Variants in WAPL observed in about 807,000 individuals in gnomAD.
WAPL encodes WAPL cohesin release factor, also known as wings apart-like protein homolog.
Under a neutral mutation model 121.0 loss-of-function variants are expected in WAPL, and 5 were observed. The observed-to-expected ratio is 0.04, with a 90% confidence interval of 0.02 to 0.09. The LOEUF is 0.09. WAPL is among the 10% of genes least tolerant of loss of function. The pLI is 1.00. For synonymous variants in WAPL, 480 were observed against 481.5 expected, an observed-to-expected ratio of 1.00 and a Z score of 0.04; for missense variants, 999 against 1,410.8, an observed-to-expected ratio of 0.71 and a Z score of 4.68.
At chr10:86,468,074 A>G (rs2132188825) in intron 8 of WAPL, among the ~76,000 whole-genome samples, 1 of 152,300 alleles carries the variant, frequency 6.6e-6, no homozygotes, top group South Asian at 2.1e-4. Flanking sequence ...TGAATGCCTG[A>G]TAGCTCTAAG....
At chr10:86,507,621 G>A (rs939851864) in intron 2 of WAPL, among the ~76,000 whole-genome samples, 3 of 151,520 alleles carry the variant, frequency 2.0e-5, no homozygotes, top group African/African-American at 4.9e-5. Flanking sequence ...ACAATCTTCC[G>A]CATTCCATCT....
At chr10:86,441,361 G>T (rs531403406) in intron 17 of WAPL, among the ~76,000 whole-genome samples, 1 of 152,072 alleles carries the variant, frequency 6.6e-6, no homozygotes, top group Non-Finnish European at 1.5e-5. Context: ...CTAGACATTT[G>T]TATTTCTCCT....
In WAPL at chr10:86,448,393, G is replaced by A. The variant is rs934425016; in HGVS notation, c.3115-1944C>T. ...CTGAGCCTGGGAGGTAAAGGCTGTAGTGAGCTGTGACTGGACCACTGTACT... is the reference window on the plus strand; with the variant it reads ...CTGAGCCTGGGAGGTAAAGGCTGTAATGAGCTGTGACTGGACCACTGTACT... On this transcript the variant is annotated intron_variant, in intron 15 of 18. Coordinates refer to ENST00000298767, the MANE Select transcript of WAPL (RefSeq NM_015045.5). Among the ~76,000 whole-genome samples, 17 of 152,192 alleles carry A rather than the reference G, an allele frequency of 1.1e-4. No individual in the cohort carries two copies. In the East Asian group the frequency reaches 3.1e-3, roughly 28 times the overall value.
chr10:86,454,207 A>G (rs1023107885), intron 12 of WAPL, among the ~76,000 whole-genome samples: 1 of 152,224 alleles, frequency 6.6e-6, no homozygotes, highest in Non-Finnish European at 1.5e-5. Context: ...CAAGTATTAA[A>G]TATTTCATAC....
chr10:86,470,068 T>C (rs1271427687), intron 8 of WAPL, among the ~76,000 whole-genome samples: 1 of 151,830 alleles, frequency 6.6e-6, no homozygotes, highest in Non-Finnish European at 1.5e-5. Context: ...AGTCTCGCTC[T>C]GTCTCCCAGG....
chr10:86,449,744 T>C (rs1389663322), intron 15 of WAPL, among the ~76,000 whole-genome samples: 2 of 152,100 alleles, frequency 1.3e-5, no homozygotes, highest in Admixed American at 1.3e-4. Context: ...CTAGGTTCCA[T>C]TTGAAGAAAA....
At chr10:86,515,219 C>T (rs1241229329) in intron 2 of WAPL, among the ~76,000 whole-genome samples, 1 of 151,390 alleles carries the variant, frequency 6.6e-6, no homozygotes, top group East Asian at 2.0e-4. Context: ...CAAGATAGCG[C>T]CATCGCACTC....
Position 86,477,119 on chromosome 10 carries a change from T to C in WAPL, c.1645-3146A>G, listed in dbSNP as rs185750499. On this transcript the variant is annotated intron_variant, in intron 4 of 18. Coordinates refer to ENST00000298767, the MANE Select transcript of WAPL (RefSeq NM_015045.5). The stretch of plus-strand genomic sequence containing the variant: ...AGGGTTTATTATGGGAGGAGAGATA[T>C]TGAAGACACATCTAATTAAAAATTA... 4.5e-3 allele frequency among the ~76,000 whole-genome samples: 680 copies of C among 152,324 alleles called. 3 individuals are homozygous for C. The highest frequency in any genetic ancestry group is 7.3e-3 in the Non-Finnish European group (497 of 68,030).
intron 9 of WAPL, among the ~76,000 whole-genome samples, chr10:86,463,185 G>A (rs1410285286): frequency 2.6e-5 from 4 of 152,234 alleles, no homozygotes; most frequent in Non-Finnish European, 5.9e-5. Flanking sequence ...TAGCACTTTG[G>A]GAGGCTGAGA....
intron 1 of WAPL, among the ~76,000 whole-genome samples, chr10:86,518,506 G>C (rs574356837): frequency 4.6e-5 from 7 of 152,340 alleles, no homozygotes; most frequent in African/African-American, 1.7e-4. Flanking sequence ...CCAGGAGTTT[G>C]AGACCAGCCT....
At position 86,467,518 on chromosome 10, in the gene WAPL, C is replaced by CA. The variant is rs772586908; in HGVS notation, c.2143-13dup. On this transcript the variant is annotated splice_polypyrimidine_tract_variant and intron_variant, in intron 8 of 18. Transcript: ENST00000298767. ...CAGAGGGACAGATTCTTCAACAGGC[C>CA]AAAAAAAGAAAAGAAAAAAAACTTC... 4 of 1,560,988 alleles carry CA rather than the reference C, an allele frequency of 2.6e-6. No homozygotes were observed. Among genetic ancestry groups the CA allele is most frequent in the Non-Finnish European group, 3.5e-6 (4 of 1,156,946 alleles).
chr10:86,508,489 C>T (rs983153279), intron 2 of WAPL, among the ~76,000 whole-genome samples: 1 of 152,066 alleles, frequency 6.6e-6, no homozygotes, highest in African/African-American at 2.4e-5. Context: ...CTTCGAACAT[C>T]TTTAACAAGT....
In WAPL at chr10:86,500,522, T is replaced by C. The variant is rs1269708261; in HGVS notation, c.721A>G (p.Asn241Asp). The C allele has an allele frequency of 1.9e-6, 3 of 1,614,138 alleles. No homozygotes were observed. The South Asian group carries it at 3.3e-5, about 18-fold the overall frequency. ...SVRTGLFEWD[N>D]DFEDIRSEDC... Reference sequence around the variant, plus strand: ...TCTGATCTGATATCTTCAAAATCATTATCCCATTCAAACAAACCAGTTCTA... The same window carrying C: ...TCTGATCTGATATCTTCAAAATCATCATCCCATTCAAACAAACCAGTTCTA... Residue 241 changes from asparagine (N) to aspartate (D), a missense_variant, in exon 3 of 19, where the codon AAT becomes GAT. Physicochemically the swap from Asn to Asp is conservative, Grantham distance 23 (BLOSUM62 1). Transcript: ENST00000298767.
At position 86,467,434 on chromosome 10, in the gene WAPL, C is replaced by T; in HGVS notation, c.2215G>A (p.Ala739Thr). 6.2e-7 allele frequency: 1 copy of T among 1,613,976 alleles called. No homozygotes were observed. Among genetic ancestry groups the T allele is most frequent in the Non-Finnish European group, 8.5e-7 (1 of 1,180,000 alleles). ...RDRLNMDLDR[A>T]SLDLMIRLLE... ...AGTCGAATCATTAGATCTAAGCTAG[C>T]TCTATCAAGATCCATGTTCAAACGA... The change falls in exon 9 of 19, where the codon GCT (alanine) becomes ACT (threonine). Residue 739 changes from alanine (A) to threonine (T), a missense_variant. Physicochemically the swap from Ala to Thr is moderately conservative, Grantham distance 58 (BLOSUM62 0). Coordinates refer to ENST00000298767, the MANE Select transcript of WAPL (RefSeq NM_015045.5).
rs200502067 is a variant in WAPL, at chr10:86,506,034, A to G, written c.500-5291T>C. On this transcript the variant is annotated intron_variant, in intron 2 of 18. Coordinates refer to ENST00000298767, the MANE Select transcript of WAPL (RefSeq NM_015045.5). Reference sequence around the variant, plus strand: ...CACTTTGGGAGGCCAAGGTGTGAGGACTACTTGAGCTCAGGAGTTCAAGAC... The same window carrying G: ...CACTTTGGGAGGCCAAGGTGTGAGGGCTACTTGAGCTCAGGAGTTCAAGAC... Among the ~76,000 whole-genome samples the G allele has an allele frequency of 5.3e-5, 8 of 152,176 alleles. No individual in the cohort carries two copies. In the East Asian group the frequency reaches 1.5e-3, roughly 29 times the overall value.
At chr10:86,454,849 C>A (rs1480286945) in intron 12 of WAPL, among the ~76,000 whole-genome samples, 2 of 151,748 alleles carry the variant, frequency 1.3e-5, no homozygotes, top group East Asian at 1.9e-4. Flanking sequence ...CCGGCCGCGA[C>A]CCCGTCTGGG....
chr10:86,488,263 T>G (rs1271161345), intron 4 of WAPL, among the ~76,000 whole-genome samples: 1 of 152,232 alleles, frequency 6.6e-6, no homozygotes, highest in Non-Finnish European at 1.5e-5. Flanking sequence ...GTTTCCTAGC[T>G]GTCTACTCAG....
At chr10:86,521,274 A>G in intron 1 of WAPL, 91 bp downstream of exon 1, 1 of 239,634 alleles carries the variant, frequency 4.2e-6, no homozygotes, top group Non-Finnish European at 8.3e-6. Flanking sequence ...TGGGCGAGGC[A>G]GTGAGACTTC....
chr10:86,438,047 C>G (rs1849367740), intron 17 of WAPL, 32 bp from the exon 18 acceptor site: 1 of 1,547,572 alleles, frequency 6.5e-7, no homozygotes, highest in African/African-American at 1.4e-5. Flanking sequence ...TATTGGTCAG[C>G]TGGCAGAAAA....
Sources: allele counts gnomAD v4.1 joint callset (sites outside exome capture counted in the v4.1 genomes callset), GRCh38; gene constraint gnomAD v4.1.1; transcripts MANE v1.5; gene names NCBI Gene and HGNC (gene_info 2026-07-23, HGNC 2026-07-21).